Variants in LYST observed in about 807,000 individuals in gnomAD.
The protein encoded by LYST is lysosomal-trafficking regulator.
Under a neutral mutation model 413.6 loss-of-function variants are expected in LYST, and 192 were observed. That is an observed-to-expected ratio of 0.46 (90% confidence interval 0.41 to 0.52). The LOEUF is 0.52. Among genes scored for constraint, LYST ranks in the 20% least tolerant of loss-of-function variants. LYST has a pLI of 0.00. For missense variants in LYST, 3,815 were observed against 4,499.9 expected (o/e 0.85, Z 4.35); for synonymous variants, 1,525 against 1,567.3 (o/e 0.97, Z 0.64).
chr1:235,747,664 C>T (rs1038493313), intron 28 of LYST, among the ~76,000 whole-genome samples: 1 of 152,152 alleles, frequency 6.6e-6, no homozygotes, highest in Non-Finnish European at 1.5e-5. Context: ...GTACGTGCAG[C>T]TGATGATTGT....
chr1:235,692,204 A>G (rs1660714579), intron 47 of LYST, among the ~76,000 whole-genome samples: 1 of 151,326 alleles, frequency 6.6e-6, no homozygotes, highest in Non-Finnish European at 1.5e-5. Context: ...GTGGTGGCAC[A>G]TGCCTGTAGT....
chr1:235,742,477 G>C (rs1053754163), intron 30 of LYST, among the ~76,000 whole-genome samples: 8 of 151,192 alleles, frequency 5.3e-5, no homozygotes, highest in Non-Finnish European at 7.4e-5. Flanking sequence ...AAAGTTCCTA[G>C]AGATGGATGG....
At chr1:235,707,636 T>TA (rs1447079793) in intron 44 of LYST, among the ~76,000 whole-genome samples, 1 of 151,870 alleles carries the variant, frequency 6.6e-6, no homozygotes, top group Non-Finnish European at 1.5e-5. Context: ...AATAAATAAA[T>TA]AAATAAAAAG....
At chr1:235,871,847 C>G (rs1299169043), upstream of LYST, among the ~76,000 whole-genome samples, 1 of 152,168 alleles carries the variant, frequency 6.6e-6, no homozygotes, top group Non-Finnish European at 1.5e-5. Flanking sequence ...AGTATCTATA[C>G]TTTACTCAAA....
chr1:235,753,000 A>T (rs1273993241), intron 26 of LYST, 44 bp downstream of exon 26: 1 of 1,074,692 alleles, frequency 9.3e-7, no homozygotes, highest in East Asian at 2.6e-5. Flanking sequence ...TCCTGTTCTA[A>T]AGTATTTATC....
In LYST at chr1:235,777,094, C is replaced by A. The variant is rs1669342175; in HGVS notation, c.5429G>T (p.Gly1810Val). The A allele has an allele frequency of 6.2e-7, 1 of 1,613,384 alleles. No homozygotes were observed. The highest frequency in any genetic ancestry group is 1.7e-5 in the Admixed American group (1 of 59,990). ...AAAGAGAAAAACAAATATGCCAGTT[C>A]CACCAATTTCGTGCAGAATGCCTTG... Reference protein sequence around the residue: ...TIQGILHEIGGTGIFVFLFAR... With the variant: ...TIQGILHEIGVTGIFVFLFAR... The change falls in exon 17 of 53, where the codon GGA becomes GTA. Residue 1810 changes from glycine (G) to valine (V), a missense_variant. Physicochemically the swap from Gly to Val is moderately radical, Grantham distance 109. Transcript: ENST00000389793.
At chr1:235,718,155 C>T (rs1480211335) in intron 40 of LYST, among the ~76,000 whole-genome samples, 2 of 151,718 alleles carry the variant, frequency 1.3e-5, no homozygotes, top group Non-Finnish European at 2.9e-5. Context: ...TGAGCCACCA[C>T]GCCTGGCCTG....
At position 235,860,323 on chromosome 1, in the gene LYST, T is replaced by C. The variant is rs189355255; in HGVS notation, c.-98+6520A>G. Among the ~76,000 whole-genome samples the C allele has an allele frequency of 6.0e-4, 92 of 152,278 alleles. 1 individual carries two copies. The South Asian group carries it at 0.015, about 25-fold the overall frequency. On this transcript the variant is annotated intron_variant, in intron 1 of 52. Coordinates refer to ENST00000389793, the MANE Select transcript of LYST (RefSeq NM_000081.4). ...CCCCCCTAAACTGGTACATTTGTTATAATCAATGAACCTACACTGACAGGT... is the reference window on the plus strand; with the variant it reads ...CCCCCCTAAACTGGTACATTTGTTACAATCAATGAACCTACACTGACAGGT...
chr1:235,741,682 A>G (rs1665416141), intron 30 of LYST, 54 bp from the exon 31 acceptor site: 1 of 1,288,022 alleles, frequency 7.8e-7, no homozygotes. Flanking sequence ...AAGCAATACC[A>G]TGCTAGCCTC....
intron 25 of LYST, 148 bp downstream of exon 25, chr1:235,755,330 A>G: frequency 4.1e-6 from 3 of 723,774 alleles, no homozygotes; most frequent in South Asian, 3.2e-5. Flanking sequence ...CGGAAGTTGC[A>G]GTGAGCCGAG....
chr1:235,671,799 G>A (rs1004163623), intron 50 of LYST, among the ~76,000 whole-genome samples: 1 of 152,158 alleles, frequency 6.6e-6, no homozygotes, highest in African/African-American at 2.4e-5. Context: ...TAAATGGGAA[G>A]CAATTAGATT....
intron 45 of LYST, among the ~76,000 whole-genome samples, chr1:235,698,575 A>G (rs958657524): frequency 6.6e-6 from 1 of 152,170 alleles, no homozygotes; most frequent in Non-Finnish European, 1.5e-5. Context: ...ATCTATCAAT[A>G]TTAAAGTTGA....
At position 235,677,557 on chromosome 1, in the gene LYST, G is replaced by A. The variant is rs1659481718; in HGVS notation, c.10863C>T (p.Ser3621=). The A allele has an allele frequency of 6.2e-7, 1 of 1,612,548 alleles. No individual in the cohort carries two copies. Among genetic ancestry groups the A allele is most frequent in the Non-Finnish European group, 8.5e-7 (1 of 1,178,728 alleles). The stretch of plus-strand genomic sequence containing the variant: ...TACTGTATGGTTTGCAAACAAATAA[G>A]CTGGTTATCTCTTCTGTGTGACCAT... ...HLYGHTEEIT[S]LFVCKPYSIL... is the part of the protein sequence containing the mutation. Residue 3621 remains serine, a synonymous_variant, in exon 49 of 53, where the codon AGC becomes AGT. Coordinates refer to ENST00000389793, the MANE Select transcript of LYST (RefSeq NM_000081.4).
chr1:235,840,786 G>A (rs1024771704), intron 1 of LYST, among the ~76,000 whole-genome samples: 14 of 152,100 alleles, frequency 9.2e-5, no homozygotes, highest in African/African-American at 2.2e-4. Context: ...GGAGACTGGC[G>A]TCATACTCCA....
chr1:235,758,895 A>G, intron 23 of LYST, 77 bp downstream of exon 23: 1 of 1,310,114 alleles, frequency 7.6e-7, no homozygotes, highest in African/African-American at 1.5e-5. Context: ...CATAATGAAG[A>G]CGTTTCCAGA....
rs746531909 is a variant in LYST at position 235,809,224 on chromosome 1, G to A, written c.1594C>T (p.Pro532Ser). 2 of 1,613,740 alleles carry A rather than the reference G, an allele frequency of 1.2e-6. No individual in the cohort carries two copies. The highest frequency in any genetic ancestry group is 1.3e-5 in the African/African-American group (1 of 74,910). ...SAFKNQVSKN[P>S]FEETADGDVY... ...TCTCCATCTGCAGTCTCTTCAAATG[G>A]GTTTTTGGAAACCTGGTTTTTAAAA... The change falls in exon 5 of 53, where the codon CCA (proline) becomes TCA (serine). Residue 532 changes from proline (P) to serine (S), a missense_variant. Coordinates refer to ENST00000389793, the MANE Select transcript of LYST (RefSeq NM_000081.4). This position sits in a 1 kb window ranked among gnomAD's most constrained non-coding sequence, Gnocchi z 4.0.
chr1:235,662,808 A>G lies in LYST; in HGVS notation c.*132T>C. The G allele has an allele frequency of 1.3e-6, 1 of 767,868 alleles. No individual in the cohort carries two copies. The highest frequency in any genetic ancestry group is 2.4e-6 in the Non-Finnish European group (1 of 417,294). 47.6% of individuals were successfully genotyped at this position (767,868 alleles called of 1,614,324 possible). On this transcript the variant is annotated 3_prime_UTR_variant, in exon 53 of 53. Coordinates refer to ENST00000389793, the MANE Select transcript of LYST (RefSeq NM_000081.4). ...GACTCTTCAGAATTTTGTGCAGATGAATAGACTTTATCATTATTTGGATGG... is the reference window on the plus strand; with the variant it reads ...GACTCTTCAGAATTTTGTGCAGATGGATAGACTTTATCATTATTTGGATGG...
intron 10 of LYST, among the ~76,000 whole-genome samples, chr1:235,798,578 TAAAAAAAAAAAAAAAAA>T (rs71174462): frequency 0.46 from 37,766 of 82,376 alleles, 7,989 homozygotes; most frequent in African/African-American, 0.49. Flanking sequence ...AACCCTGTCA[TAAAAAAAAAAAAAAAAA>T]AAAAAAAAAA....
At chr1:235,742,322 G>C (rs1665490392) in intron 30 of LYST, among the ~76,000 whole-genome samples, 1 of 151,988 alleles carries the variant, frequency 6.6e-6, no homozygotes, top group South Asian at 2.1e-4. Flanking sequence ...GGGTGTGGTG[G>C]TGGGTGCCTG....
Sources: allele counts gnomAD v4.1 joint callset (sites outside exome capture counted in the v4.1 genomes callset), GRCh38; gene constraint gnomAD v4.1.1; non-coding constraint Gnocchi (gnomAD v3.1); transcripts MANE v1.5; gene names NCBI Gene and HGNC (gene_info 2026-07-23, HGNC 2026-07-21).